Variants in COL18A1 observed in about 807,000 individuals in gnomAD.
The protein encoded by COL18A1 is collagen type XVIII alpha 1 chain.
Under a neutral mutation model 168.0 loss-of-function variants are expected in COL18A1, and 133 were observed. The ratio of observed to expected loss-of-function variants is 0.79; its 90% CI spans 0.69 to 0.91. The LOEUF (loss-of-function observed/expected upper bound fraction) is 0.91, where lower values mean the gene tolerates loss of function less well. Ranked by LOEUF, COL18A1 falls within the 40% of genes least tolerant of loss-of-function variation. The pLI is 0.00. For synonymous variants in COL18A1, 949 were observed against 809.0 expected (o/e 1.17, Z -2.94); for missense variants, 2,126 against 1,925.4 (o/e 1.10, Z -1.95).
chr21:45,450,615 A>G (rs921441344), intron 2 of COL18A1, among the ~76,000 whole-genome samples: 2 of 152,242 alleles, frequency 1.3e-5, no homozygotes, highest in African/African-American at 2.4e-5. Context: ...GGCCAACAAG[A>G]CAGGACAAAC....
At chr21:45,461,265 A>G (rs1434732746) in intron 2 of COL18A1, among the ~76,000 whole-genome samples, 1 of 152,086 alleles carries the variant, frequency 6.6e-6, no homozygotes, top group African/African-American at 2.4e-5. Flanking sequence ...CAGATAAACA[A>G]AAGCTAAGGG....
At chr21:45,431,626 A>T in intron 2 of COL18A1, among the ~76,000 whole-genome samples, 1 of 151,754 alleles carries the variant, frequency 6.6e-6, no homozygotes, top group Non-Finnish European at 1.5e-5. Context: ...AGGAGGGTGG[A>T]CTCATTCTGA....
At chr21:45,420,132 C>T (rs191430261) in intron 2 of COL18A1, 1 of 152,294 alleles carries the variant, frequency 6.6e-6, no homozygotes, top group South Asian at 2.1e-4. Flanking sequence ...GCAGCTCCCC[C>T]CGACAGGAGC....
chr21:45,440,238 G>A (rs2034332208), intron 2 of COL18A1, among the ~76,000 whole-genome samples: 1 of 152,242 alleles, frequency 6.6e-6, no homozygotes, highest in Non-Finnish European at 1.5e-5. Context: ...AATTTGCTGC[G>A]TTCTCCAAGC....
chr21:45,486,788 C>T (rs1372025788), intron 15 of COL18A1, 73 bp from the exon 16 acceptor site: 9 of 1,487,406 alleles, frequency 6.1e-6, no homozygotes, highest in East Asian at 2.5e-5. Flanking sequence ...CATAAGAAAA[C>T]GTGTCTACGC....
chr21:45,442,405 C>T (rs2034393733), intron 2 of COL18A1, among the ~76,000 whole-genome samples: 2 of 152,224 alleles, frequency 1.3e-5, no homozygotes, highest in South Asian at 2.1e-4. Context: ...ATGTGTCTCA[C>T]TCACCATGGG....
intron 40 of COL18A1, among the ~76,000 whole-genome samples, chr21:45,510,558 G>C (rs1293800907): frequency 6.6e-6 from 1 of 152,118 alleles, no homozygotes; most frequent in Non-Finnish European, 1.5e-5. Flanking sequence ...CATGCTGCTG[G>C]ACCAAGTGTC....
intron 2 of COL18A1, among the ~76,000 whole-genome samples, chr21:45,431,609 G>A (rs920440682): frequency 6.6e-6 from 1 of 151,868 alleles, no homozygotes; most frequent in Non-Finnish European, 1.5e-5. Flanking sequence ...AGGCCTAGAC[G>A]GCCCACAGGA....
Position 45,498,983 on chromosome 21 carries a change from G to A in COL18A1, c.2683+1322G>A, listed in dbSNP as rs940895588. ...CTTGTCCCTGGGAGCCAGAACGAGG[G>A]CTCCGAGGGCTCTAGAGGGAACAGT... is the stretch of plus-strand genomic sequence containing the variant. On this transcript the variant is annotated intron_variant, in intron 32 of 41. Coordinates refer to ENST00000651438, the MANE Select transcript of COL18A1 (RefSeq NM_001379500.1). This position sits in a 1 kb window ranked among gnomAD's most constrained non-coding sequence, Gnocchi z 4.5. 2.0e-5 allele frequency among the ~76,000 whole-genome samples: 3 copies of A among 152,194 alleles called. No homozygotes were observed. Among genetic ancestry groups the A allele is most frequent in the African/African-American group, 7.2e-5 (3 of 41,434 alleles).
Position 45,479,173 on chromosome 21 carries a change from TGC to T in COL18A1, c.1249-725_1249-724del, listed in dbSNP as rs982975353. Among the ~76,000 whole-genome samples, 10 of 102,342 alleles carry T rather than the reference TGC, an allele frequency of 9.8e-5. No individual in the cohort carries two copies. In the East Asian group the frequency reaches 1.1e-3, roughly 11 times the overall value. 67.1% of individuals were successfully genotyped at this position (102,342 alleles called of 152,430 possible). A position where few individuals can be genotyped will look rare whatever the true frequency, so the allele number is the denominator to read the frequency against. The stretch of plus-strand genomic sequence containing the variant: ...GTGTTTGAGTGTGTGAATGTGTGAC[TGC>T]GCGTGTGTGTGGGGGGGTGAGGATC... On this transcript the variant is annotated intron_variant, in intron 9 of 41. Coordinates refer to ENST00000651438, the MANE Select transcript of COL18A1 (RefSeq NM_001379500.1).
In COL18A1 at chr21:45,437,768, GCACA is replaced by G. The variant is rs753676705; in HGVS notation, c.107-30464_107-30461del. On this transcript the variant is annotated intron_variant, in intron 2 of 41. Transcript: ENST00000651438. Reference sequence around the variant, plus strand: ...CACACTCAGACACAGGCACTCTCCTGCACACACACACACTCACTCACACACAGAC... The same window carrying G: ...CACACTCAGACACAGGCACTCTCCTGCACACACACTCACTCACACACAGAC... Among the ~76,000 whole-genome samples the G allele has an allele frequency of 1.7e-4, 8 of 46,436 alleles. 2 individuals carry two copies. Among genetic ancestry groups the G allele is most frequent in the Admixed American group, 4.2e-4 (2 of 4,776 alleles). The allele number at this position is 46,436 out of a possible 152,430, so 30.5% of individuals were successfully genotyped here. A position where few individuals can be genotyped will look rare whatever the true frequency, so the allele number is the denominator to read the frequency against.
chr21:45,512,376 G>A lies in COL18A1; in HGVS notation c.3998G>A (p.Ser1333Asn). ...TACATCGTGCTCTGCATTGAGAACA[G>A]CTTCATGACTGCCTCCAAGTAGCCA... ...HAYIVLCIEN[S>N]FMTASK The change falls in exon 42 of 42, where the codon AGC becomes AAC. Residue 1333 changes from serine to asparagine, a missense_variant. Ser to Asn is a conservative substitution (Grantham distance 46, BLOSUM62 1). Coordinates refer to ENST00000651438, the MANE Select transcript of COL18A1 (RefSeq NM_001379500.1). 1 of 1,612,688 alleles carries A rather than the reference G, an allele frequency of 6.2e-7. No individual in the cohort carries two copies. Among genetic ancestry groups the A allele is most frequent in the Non-Finnish European group, 8.5e-7 (1 of 1,179,812 alleles).
Position 45,512,244 on chromosome 21 carries a change from G to C in COL18A1, c.3866G>C (p.Ser1289Thr), listed in dbSNP as rs1464893377. 2 of 1,612,594 alleles carry C rather than the reference G, an allele frequency of 1.2e-6. No individual in the cohort carries two copies. Reference protein sequence around the residue: ...SDPNGRRLTESYCETWRTEAP... With the variant: ...SDPNGRRLTETYCETWRTEAP... Reference sequence around the variant, plus strand: ...CCCAACGGGCGCAGGCTGACCGAGAGCTACTGTGAGACGTGGCGGACGGAG... The same window carrying C: ...CCCAACGGGCGCAGGCTGACCGAGACCTACTGTGAGACGTGGCGGACGGAG... Residue 1289 changes from serine to threonine, a missense_variant, in exon 42 of 42, where the codon AGC (serine) becomes ACC (threonine). Physicochemically the swap from Ser to Thr is moderately conservative, Grantham distance 58 (BLOSUM62 1). Transcript: ENST00000651438.
chr21:45,492,595 G>A, intron 23 of COL18A1, 31 bp downstream of exon 23: 1 of 1,612,904 alleles, frequency 6.2e-7, no homozygotes, highest in Non-Finnish European at 8.5e-7. Context: ...TAAGAGACGG[G>A]CCTGCGGGGA....
chr21:45,488,548 A>G (rs2036194075), intron 18 of COL18A1, 104 bp downstream of exon 18: 2 of 1,541,952 alleles, frequency 1.3e-6, no homozygotes, highest in Admixed American at 1.7e-5. Flanking sequence ...TTCTGATGGC[A>G]GGAGTAGGAT....
At chr21:45,503,919 T>A in intron 32 of COL18A1, 92 bp from the exon 33 acceptor site, 1 of 1,417,656 alleles carries the variant, frequency 7.1e-7, no homozygotes. Context: ...TAGAAGGGCC[T>A]CAGGCAAACC....
chr21:45,510,519 C>G (rs1264524325), intron 40 of COL18A1, among the ~76,000 whole-genome samples: 1 of 152,136 alleles, frequency 6.6e-6, no homozygotes, highest in African/African-American at 2.4e-5. Context: ...TGACCCCCCG[C>G]TCCCCCGGCA....
intron 2 of COL18A1, among the ~76,000 whole-genome samples, chr21:45,417,732 T>A (rs2033486766): frequency 6.6e-6 from 1 of 152,212 alleles, no homozygotes; most frequent in African/African-American, 2.4e-5. Flanking sequence ...ATCCTCTGCA[T>A]CCGTTGTTGT....
intron 2 of COL18A1, among the ~76,000 whole-genome samples, chr21:45,438,128 C>T (rs1338391257): frequency 2.1e-5 from 2 of 95,526 alleles, no homozygotes; most frequent in Non-Finnish European, 2.0e-5. Context: ...AGGCACTCTC[C>T]TGCACACACA....
Sources: gnomAD v4.1 joint callset for allele counts (sites outside exome capture counted in the v4.1 genomes callset) on GRCh38, gnomAD v4.1.1 for gene constraint, Gnocchi (gnomAD v3.1) non-coding constraint, MANE v1.5 for transcripts, NCBI Gene and HGNC (gene_info 2026-07-23, HGNC 2026-07-21) for gene names.